Variants in CFAP77 observed in about 807,000 individuals in gnomAD.
CFAP77 encodes the protein cilia and flagella associated protein 77, also known as cilia- and flagella-associated protein 77.
CFAP77 carries 25 observed loss-of-function variants against 31.1 expected under a neutral mutation model. The observed-to-expected ratio is 0.80, with a 90% CI of 0.59 to 1.12. The LOEUF is 1.12. CFAP77 is among the 50% of genes most tolerant of loss of function. CFAP77 has a pLI of 0.00. For synonymous variants in CFAP77, 151 were observed against 159.9 expected, an observed-to-expected ratio of 0.94 and a Z score of 0.42; for missense variants, 377 against 397.3, an observed-to-expected ratio of 0.95 and a Z score of 0.44.
chr9:132,454,496 T>C (rs1483970644), intron 1 of CFAP77, among the ~76,000 whole-genome samples: 1 of 152,206 alleles, frequency 6.6e-6, no homozygotes, highest in Non-Finnish European at 1.5e-5. Context: ...AGGTTTCCAT[T>C]TGCAAGTAAA....
chr9:132,571,936 AAG>A (rs1829964440), intron 5 of CFAP77, among the ~76,000 whole-genome samples: 1 of 148,428 alleles, frequency 6.7e-6, no homozygotes, highest in African/African-American at 2.5e-5. Context: ...GGTGATATTG[AAG>A]TTCAGCTCTT....
chr9:132,519,384 G>GTGGGTGAA (rs1852208607), intron 3 of CFAP77, among the ~76,000 whole-genome samples: 3 of 121,788 alleles, frequency 2.5e-5, no homozygotes, highest in South Asian at 3.2e-4. Flanking sequence ...GGATGGATAG[G>GTGGGTGAA]TGGATGGATG....
At position 132,521,594 on chromosome 9, in the gene CFAP77, C is replaced by T. The variant is rs1211021240; in HGVS notation, c.525-16007C>T. 2.6e-5 allele frequency among the ~76,000 whole-genome samples: 4 copies of T among 151,848 alleles called. No individual in the cohort carries two copies. The South Asian group carries it at 6.2e-4, about 24-fold the overall frequency. Reference sequence around the variant, plus strand: ...GAGTGGGCAGAGCTAAGGGAGGTCTCGAGAGGTGTCCGCCAGGCGAAGGAG... The same window carrying T: ...GAGTGGGCAGAGCTAAGGGAGGTCTTGAGAGGTGTCCGCCAGGCGAAGGAG... On this transcript the variant is annotated intron_variant, in intron 3 of 5. Coordinates refer to ENST00000393216, the MANE Select transcript of CFAP77 (RefSeq NM_001282957.2).
chr9:132,556,894 CAAATTA>C (rs1186990422), intron 5 of CFAP77, among the ~76,000 whole-genome samples: 2 of 152,150 alleles, frequency 1.3e-5, no homozygotes, highest in African/African-American at 2.4e-5. Context: ...TCCTCCACCG[CAAATTA>C]CTGACACAAA....
chr9:132,473,369 G>C (rs1282302317), intron 1 of CFAP77, among the ~76,000 whole-genome samples: 2 of 152,152 alleles, frequency 1.3e-5, no homozygotes, highest in Admixed American at 1.3e-4. Flanking sequence ...ACCCTCAGAG[G>C]CAGTTACTAT....
intron 3 of CFAP77, among the ~76,000 whole-genome samples, chr9:132,516,524 G>C (rs1293582162): frequency 6.6e-6 from 1 of 151,766 alleles, no homozygotes; most frequent in Non-Finnish European, 1.5e-5. Flanking sequence ...TGTGGGAATG[G>C]AATGTTCTGT....
chr9:132,500,156 A>G (rs1438572392), intron 3 of CFAP77, among the ~76,000 whole-genome samples: 1 of 151,542 alleles, frequency 6.6e-6, no homozygotes, highest in Non-Finnish European at 1.5e-5. Flanking sequence ...TGTCTCCAAA[A>G]AAAAAAAAAA....
rs543526266 is a variant in CFAP77, at chr9:132,522,041, C to A, written c.525-15560C>A. ...CCTCCCAAAGTGGTGGGATTACAGG[C>A]GTGAGCCACTACACCCGGCCCCAGA... On this transcript the variant is annotated intron_variant, in intron 3 of 5. Transcript: ENST00000393216. 3.3e-5 allele frequency among the ~76,000 whole-genome samples: 5 copies of A among 152,204 alleles called. No individual in the cohort carries two copies. The South Asian group carries it at 1.0e-3, about 32-fold the overall frequency.
chr9:132,447,080 G>C (rs1348760937), intron 1 of CFAP77, among the ~76,000 whole-genome samples: 1 of 152,108 alleles, frequency 6.6e-6, no homozygotes, highest in Non-Finnish European at 1.5e-5. Flanking sequence ...CAGAGGTGAA[G>C]ACTGAGGCTC....
chr9:132,524,760 T>C (rs562994299), intron 3 of CFAP77, among the ~76,000 whole-genome samples: 114 of 151,886 alleles, frequency 7.5e-4, no homozygotes, highest in Middle Eastern at 3.4e-3. Context: ...ACCATTCTCC[T>C]GCGTCAGCCT....
At position 132,480,349 on chromosome 9, in the gene CFAP77, C is replaced by T. The variant is rs2118901667; in HGVS notation, c.196-18346C>T. 6.6e-6 allele frequency among the ~76,000 whole-genome samples: 1 copy of T among 151,426 alleles called. No homozygotes were observed. The highest frequency in any genetic ancestry group is 6.6e-5 in the Admixed American group (1 of 15,242). On this transcript the variant is annotated intron_variant, in intron 1 of 5. Coordinates refer to ENST00000393216, the MANE Select transcript of CFAP77 (RefSeq NM_001282957.2). The surrounding 1 kb of genome is among the most constrained non-coding windows in gnomAD (Gnocchi z 5.8). ...CCCACTTTTTGCCCTCATAGCTCAA[C>T]TCCCTAGGGAATTTGAGAACAGATT...
chr9:132,459,869 T>C (rs1047744140), intron 1 of CFAP77, among the ~76,000 whole-genome samples: 4 of 151,656 alleles, frequency 2.6e-5, no homozygotes, highest in Non-Finnish European at 5.9e-5. Flanking sequence ...TGAGTGTGTG[T>C]ATGTGTGAGT....
chr9:132,499,517 C>T lies in CFAP77; in HGVS notation c.441C>T (p.Ile147=). The T allele has an allele frequency of 1.2e-6, 2 of 1,614,182 alleles. No individual in the cohort carries two copies. Among genetic ancestry groups the T allele is most frequent in the Non-Finnish European group, 1.7e-6 (2 of 1,180,036 alleles). The part of the protein sequence containing the change: ...ENLLYRQLND[I]RISDQDDRRM... ...TGCTCTACCGTCAGCTCAATGACAT[C>T]CGCATCAGTGACCAGGATGACCGGC... The change falls in exon 3 of 6, where the codon ATC becomes ATT. Residue 147 remains isoleucine (I), a synonymous_variant. Transcript: ENST00000393216. This position sits in a 1 kb window ranked among gnomAD's most constrained non-coding sequence, Gnocchi z 5.4.
chr9:132,447,629 G>A (rs531268842), intron 1 of CFAP77, among the ~76,000 whole-genome samples: 12 of 152,346 alleles, frequency 7.9e-5, no homozygotes, highest in South Asian at 2.1e-4. Flanking sequence ...TACACACAGC[G>A]TGTCCGCCGT....
chr9:132,497,986 C>T lies in CFAP77; in HGVS notation c.196-709C>T, dbSNP rs769962170. On this transcript the variant is annotated intron_variant, in intron 1 of 5. Coordinates refer to ENST00000393216, the MANE Select transcript of CFAP77 (RefSeq NM_001282957.2). This position sits in a 1 kb window ranked among gnomAD's most constrained non-coding sequence, Gnocchi z 4.9. The stretch of plus-strand genomic sequence containing the variant: ...CCCAGCGCTTGGGGGCCGGGGATAT[C>T]GACCCTGCCTCTCTAGGCCTCAGTT... 2.0e-4 allele frequency among the ~76,000 whole-genome samples: 30 copies of T among 152,244 alleles called. No individual in the cohort carries two copies. Among genetic ancestry groups the T allele is most frequent in the Non-Finnish European group, 3.2e-4 (22 of 68,014 alleles).
chr9:132,514,496 C>T (rs774104318), intron 3 of CFAP77, among the ~76,000 whole-genome samples: 2 of 152,140 alleles, frequency 1.3e-5, no homozygotes, highest in Non-Finnish European at 2.9e-5. Context: ...CCTTTGCCCC[C>T]GGAGCCAGGA....
intron 3 of CFAP77, among the ~76,000 whole-genome samples, chr9:132,502,553 A>T (rs1312830953): frequency 6.6e-6 from 1 of 151,948 alleles, no homozygotes; most frequent in African/African-American, 2.4e-5. Flanking sequence ...TACTCTAGAG[A>T]TCTCATATGC....
At chr9:132,572,178 A>G (rs1829967173) in intron 5 of CFAP77, among the ~76,000 whole-genome samples, 1 of 152,146 alleles carries the variant, frequency 6.6e-6, no homozygotes. Context: ...GGAGCTGGAC[A>G]GAAGGACGAA....
chr9:132,531,546 G>C (rs1197054237), intron 3 of CFAP77, among the ~76,000 whole-genome samples: 1 of 151,006 alleles, frequency 6.6e-6, no homozygotes, highest in Non-Finnish European at 1.5e-5. Flanking sequence ...TGAATGTCAG[G>C]AAGGAGCTGG....
Sources: allele counts gnomAD v4.1 joint callset (sites outside exome capture counted in the v4.1 genomes callset), GRCh38; gene constraint gnomAD v4.1.1; non-coding constraint Gnocchi (gnomAD v3.1); transcripts MANE v1.5; gene names NCBI Gene and HGNC (gene_info 2026-07-23, HGNC 2026-07-21).